Variants in TSPAN9 observed in about 807,000 individuals in gnomAD.
TSPAN9 encodes the protein tetraspanin-9.
TSPAN9 carries 16 observed loss-of-function variants against 31.0 expected under a neutral mutation model. That is an observed-to-expected ratio of 0.52 (90% CI 0.35 to 0.78). TSPAN9 has a LOEUF of 0.78. Ranked by LOEUF, TSPAN9 falls within the 30% of genes least tolerant of loss-of-function variation. TSPAN9 has a pLI of 0.01. For missense variants in TSPAN9, 272 were observed against 312.5 expected (o/e 0.87, Z 0.98); for synonymous variants, 145 against 121.6 (o/e 1.19, Z -1.27).
At chr12:3,204,897 C>G (rs1284574447) in intron 3 of TSPAN9, among the ~76,000 whole-genome samples, 4 of 152,168 alleles carry the variant, frequency 2.6e-5, no homozygotes, top group Non-Finnish European at 5.9e-5. Flanking sequence ...CTCCTGGGGC[C>G]ATCTGGTAGA....
chr12:3,267,027 C>T (rs901054373), intron 3 of TSPAN9, among the ~76,000 whole-genome samples: 3 of 152,284 alleles, frequency 2.0e-5, no homozygotes, highest in East Asian at 1.9e-4. Context: ...AAAGGGCCTC[C>T]GACCTGCCAT....
chr12:3,274,011 AAGGG>A, intron 3 of TSPAN9, among the ~76,000 whole-genome samples: 2 of 152,160 alleles, frequency 1.3e-5, no homozygotes, highest in South Asian at 4.1e-4. Flanking sequence ...TTGGCAGCCC[AAGGG>A]TGGGTGCCTG....
Position 3,283,137 on chromosome 12 carries a change from C to T in TSPAN9, c.*21C>T, listed in dbSNP as rs750404868. The T allele has an allele frequency of 2.5e-5, 40 of 1,605,134 alleles. No individual in the cohort carries two copies. The highest frequency in any genetic ancestry group is 1.4e-5 in the Non-Finnish European group (17 of 1,179,322). ...CATGAGCGGGCTGGCCGGGAGTGCCCACCCCGCCCTGCTGCCCTGTGGAGG... is the reference window on the plus strand; with the variant it reads ...CATGAGCGGGCTGGCCGGGAGTGCCTACCCCGCCCTGCTGCCCTGTGGAGG... On this transcript the variant is annotated 3_prime_UTR_variant, in exon 9 of 9. Transcript: ENST00000011898.
chr12:3,247,731 A>G (rs933015917), intron 3 of TSPAN9, among the ~76,000 whole-genome samples: 1 of 152,160 alleles, frequency 6.6e-6, no homozygotes, highest in South Asian at 2.1e-4. Flanking sequence ...TGTCTAGCCC[A>G]GCCTCCTCTC....
At chr12:3,164,337 A>G (rs964015409) in intron 2 of TSPAN9, among the ~76,000 whole-genome samples, 4 of 152,240 alleles carry the variant, frequency 2.6e-5, no homozygotes, top group African/African-American at 9.6e-5. Flanking sequence ...TGTGGTACGT[A>G]GCATTGATCA....
chr12:3,097,498 T>A (rs1410254845), intron 2 of TSPAN9, among the ~76,000 whole-genome samples: 1 of 151,640 alleles, frequency 6.6e-6, no homozygotes, highest in East Asian at 1.9e-4. Flanking sequence ...TGGGAGGAGG[T>A]GCTCACCCCG....
intron 2 of TSPAN9, among the ~76,000 whole-genome samples, chr12:3,195,866 C>T (rs1007982387): frequency 6.6e-6 from 1 of 152,180 alleles, no homozygotes; most frequent in Non-Finnish European, 1.5e-5. Flanking sequence ...ACCACACTCA[C>T]GCCTTTCTAG....
intron 2 of TSPAN9, among the ~76,000 whole-genome samples, chr12:3,091,559 C>CCT (rs2153963251): frequency 6.6e-6 from 1 of 152,298 alleles, no homozygotes; most frequent in East Asian, 1.9e-4. Context: ...ATCAAACTTA[C>CCT]CTCTCCCTGG....
At chr12:3,214,911 G>A (rs150499672) in intron 3 of TSPAN9, among the ~76,000 whole-genome samples, 25 of 151,734 alleles carry the variant, frequency 1.6e-4, no homozygotes, top group African/African-American at 5.3e-4. Context: ...CCCTGAACAC[G>A]TCTTCAGGGC....
intron 2 of TSPAN9, among the ~76,000 whole-genome samples, chr12:3,130,209 C>A (rs1190089882): frequency 6.6e-6 from 1 of 152,254 alleles, no homozygotes; most frequent in East Asian, 1.9e-4. Context: ...TCAGTGCCAG[C>A]GCACTGGCAG....
In TSPAN9 at chr12:3,211,836, G is replaced by C. The variant is rs1453980550; in HGVS notation, c.63+10580G>C. On this transcript the variant is annotated intron_variant, in intron 3 of 8. Coordinates refer to ENST00000011898, the MANE Select transcript of TSPAN9 (RefSeq NM_006675.5). ...TTCACATCCATGAAGTAGGAATTGG[G>C]GCTCTGCACCAGGCGTTTCTTCTTG... The C allele has an allele frequency of 2.5e-6, 4 of 1,591,898 alleles. No homozygotes were observed. The Admixed American group carries it at 5.0e-5, about 20-fold the overall frequency.
intron 2 of TSPAN9, among the ~76,000 whole-genome samples, chr12:3,109,307 A>AGAGAGAGAGAGAGAGTGT (rs560687812): frequency 1.4e-4 from 20 of 143,322 alleles, no homozygotes; most frequent in African/African-American, 4.7e-4. Flanking sequence ...TGTGAGAGAG[A>AGAGAGAGAGAGAGAGTGT]GTGTGTGTGT....
intron 3 of TSPAN9, among the ~76,000 whole-genome samples, chr12:3,253,266 G>T (rs2153978327): frequency 6.6e-6 from 1 of 152,372 alleles, no homozygotes; most frequent in Non-Finnish European, 1.5e-5. Flanking sequence ...ATGCAGTAAA[G>T]ATCATTAAAT....
At chr12:3,235,217 A>T (rs12308302) in intron 3 of TSPAN9, among the ~76,000 whole-genome samples, 3 of 22,882 alleles carry the variant, frequency 1.3e-4, no homozygotes, top group Non-Finnish European at 1.4e-4. Flanking sequence ...AAAAAAAAAA[A>T]ATATATATAT....
rs2153980934 is a variant in TSPAN9, at chr12:3,280,028, G to A, written c.331-354G>A. Among the ~76,000 whole-genome samples the A allele has an allele frequency of 6.6e-6, 1 of 152,202 alleles. No homozygotes were observed. The highest frequency in any genetic ancestry group is 1.5e-5 in the Non-Finnish European group (1 of 68,002). ...GGGAAGCTGTGTAGTGGGGGGCGGG[G>A]GTGGCAGAGTGGCCTGTGTGTGTGG... On this transcript the variant is annotated intron_variant, in intron 5 of 8. Coordinates refer to ENST00000011898, the MANE Select transcript of TSPAN9 (RefSeq NM_006675.5). This position sits in a 1 kb window ranked among gnomAD's most constrained non-coding sequence, Gnocchi z 4.5.
chr12:3,215,272 A>C lies in TSPAN9; in HGVS notation c.63+14016A>C, dbSNP rs557253183. The C allele has an allele frequency of 3.3e-5, 5 of 152,434 alleles. No homozygotes were observed. In the East Asian group the frequency reaches 9.6e-4, roughly 29 times the overall value. The allele number at this position is 152,434 out of a possible 1,614,324, so 9.4% of individuals were successfully genotyped here. On this transcript the variant is annotated intron_variant, in intron 3 of 8. Coordinates refer to ENST00000011898, the MANE Select transcript of TSPAN9 (RefSeq NM_006675.5). ...TGTCCGTGCACCAGCGCCGCAGGCC[A>C]TAGCTGGCTGGGGGAAGGCTTGGGC...
At position 3,283,128 on chromosome 12, in the gene TSPAN9, G is replaced by A. The variant is rs1279329304; in HGVS notation, c.*12G>A. On this transcript the variant is annotated 3_prime_UTR_variant, in exon 9 of 9. Coordinates refer to ENST00000011898, the MANE Select transcript of TSPAN9 (RefSeq NM_006675.5). ...AGTACGACGCATGAGCGGGCTGGCCGGGAGTGCCCACCCCGCCCTGCTGCC... is the reference window on the plus strand; with the variant it reads ...AGTACGACGCATGAGCGGGCTGGCCAGGAGTGCCCACCCCGCCCTGCTGCC... The A allele has an allele frequency of 9.3e-6, 15 of 1,606,542 alleles. No individual in the cohort carries two copies. Among genetic ancestry groups the A allele is most frequent in the South Asian group, 1.1e-5 (1 of 91,048 alleles).
chr12:3,155,959 C>T (rs1398453178), intron 2 of TSPAN9, among the ~76,000 whole-genome samples: 2 of 152,120 alleles, frequency 1.3e-5, no homozygotes, highest in Non-Finnish European at 2.9e-5. Flanking sequence ...ATGGTTTTCC[C>T]GGATGACAGC....
In TSPAN9 at chr12:3,107,721, G is replaced by T. The variant is rs74057545; in HGVS notation, c.-18+24002G>T. On this transcript the variant is annotated intron_variant, in intron 2 of 8. Coordinates refer to ENST00000011898, the MANE Select transcript of TSPAN9 (RefSeq NM_006675.5). The surrounding 1 kb of genome is among the most constrained non-coding windows in gnomAD (Gnocchi z 4.1). ...GTGTCCTCATTCTTCAGGCTCAGAT[G>T]GGCTGTATTTTATTTATTTGTAAAT... Among the ~76,000 whole-genome samples the T allele has an allele frequency of 0.039, 5,901 of 152,252 alleles. 398 individuals carry two copies. Among genetic ancestry groups the T allele is most frequent in the African/African-American group, 0.13 (5,443 of 41,534 alleles).
Sources: allele counts gnomAD v4.1 joint callset (sites outside exome capture counted in the v4.1 genomes callset), GRCh38; gene constraint gnomAD v4.1.1; non-coding constraint Gnocchi (gnomAD v3.1); transcripts MANE v1.5; gene names NCBI Gene and HGNC (gene_info 2026-07-23, HGNC 2026-07-21).